The following ARMC2 variants were observed in gnomAD, a reference collection of about 807,000 sequenced individuals.
ARMC2 encodes the protein armadillo repeat containing 2.
A neutral mutation model predicts 90.3 loss-of-function variants in ARMC2; 67 were observed. That is an observed-to-expected ratio of 0.74 (90% CI 0.61 to 0.91). The LOEUF is 0.91. ARMC2 is among the 40% of genes least tolerant of loss of function. The pLI is 0.00. For missense variants in ARMC2, 920 were observed against 1,030.9 expected, an observed-to-expected ratio of 0.89 and a Z score of 1.47; for synonymous variants, 393 against 393.0, an observed-to-expected ratio of 1.00 and a Z score of 0.00.
intron 8 of ARMC2, among the ~76,000 whole-genome samples, chr6:108,904,610 T>G (rs1772480534): frequency 6.7e-6 from 1 of 149,454 alleles, no homozygotes; most frequent in Admixed American, 6.7e-5. Flanking sequence ...TAGAAAATGT[T>G]AAAAGAAACT....
chr6:108,875,061 C>G (rs556190060), intron 4 of ARMC2, among the ~76,000 whole-genome samples: 3 of 152,128 alleles, frequency 2.0e-5, no homozygotes, highest in South Asian at 4.2e-4. Flanking sequence ...GCAGCTCATC[C>G]CCACCCCCGC....
the ARMC2 span, among the ~76,000 whole-genome samples, chr6:109,023,019 T>G: frequency 6.6e-6 from 1 of 152,200 alleles, no homozygotes; most frequent in Non-Finnish European, 1.5e-5. Context: ...TTCCCTGCAA[T>G]CTGCTCTGTA....
the ARMC2 span, among the ~76,000 whole-genome samples, chr6:108,994,140 TAAAAAAA>T: frequency 3.0e-5 from 3 of 100,266 alleles, no homozygotes; most frequent in Non-Finnish European, 6.1e-5. Context: ...CCCTGTTTCT[TAAAAAAA>T]AAAAAAAAAA....
downstream of ARMC2, among the ~76,000 whole-genome samples, chr6:108,978,113 C>T (rs1445782352): frequency 1.3e-5 from 2 of 152,132 alleles, no homozygotes; most frequent in East Asian, 3.8e-4. Flanking sequence ...TTAGATCTTT[C>T]CTGCTTTCTC....
the ARMC2 span, among the ~76,000 whole-genome samples, chr6:109,021,670 G>A: frequency 1.2e-4 from 18 of 151,934 alleles, no homozygotes; most frequent in Non-Finnish European, 2.5e-4. Context: ...TCGAACTCCT[G>A]ACCTCAAGTG....
At chr6:108,921,179 T>C (rs900840735) in intron 10 of ARMC2, among the ~76,000 whole-genome samples, 1 of 152,232 alleles carries the variant, frequency 6.6e-6, no homozygotes. Flanking sequence ...CCATTCTAGA[T>C]TGTTTGTATG....
At chr6:109,045,654 A>T in the ARMC2 span, among the ~76,000 whole-genome samples, 1 of 152,004 alleles carries the variant, frequency 6.6e-6, no homozygotes, top group African/African-American at 2.4e-5. Context: ...CTGAGGCATT[A>T]CTCTTCTACA....
chr6:108,934,256 G>C (rs1411972633), intron 11 of ARMC2, among the ~76,000 whole-genome samples: 1 of 152,096 alleles, frequency 6.6e-6, no homozygotes, highest in Non-Finnish European at 1.5e-5. Context: ...TGTGGTTTTT[G>C]TCTTCAGTTG....
At chr6:108,935,145 C>G (rs950606495) in intron 11 of ARMC2, among the ~76,000 whole-genome samples, 5 of 152,110 alleles carry the variant, frequency 3.3e-5, no homozygotes, top group African/African-American at 1.2e-4. Flanking sequence ...TATTGACTTT[C>G]TTTCCTAATT....
intron 2 of ARMC2, among the ~76,000 whole-genome samples, chr6:108,856,162 A>G (rs1320515507): frequency 6.6e-6 from 1 of 152,088 alleles, no homozygotes; most frequent in Non-Finnish European, 1.5e-5. Context: ...CCTATGTTAT[A>G]TTTTAGAGAT....
At chr6:108,993,337 G>A in the ARMC2 span, among the ~76,000 whole-genome samples, 1 of 152,044 alleles carries the variant, frequency 6.6e-6, no homozygotes, top group Admixed American at 6.6e-5. Flanking sequence ...AAATCCCATG[G>A]GTTAACATTT....
chr6:108,906,912 G>A (rs1288935484), intron 8 of ARMC2, among the ~76,000 whole-genome samples: 2 of 152,116 alleles, frequency 1.3e-5, no homozygotes, highest in African/African-American at 2.4e-5. Context: ...AACTAAGGGA[G>A]AAAAATAAAG....
intron 3 of ARMC2, 57 bp downstream of exon 3, chr6:108,858,328 C>A: frequency 7.3e-7 from 1 of 1,365,902 alleles, no homozygotes; most frequent in Non-Finnish European, 1.0e-6. Flanking sequence ...TGAAATTGGC[C>A]AAAAACACTT....
rs553698125 is a variant in ARMC2, at chr6:108,946,157, G to A, written c.1597-6876G>A. Among the ~76,000 whole-genome samples the A allele has an allele frequency of 4.4e-4, 67 of 152,262 alleles. No homozygotes were observed. In the South Asian group the frequency reaches 0.012, roughly 27 times the overall value. ...CCCTTGTGGAACTGGCTCTTACCCC[G>A]CTCAGCACGGAACCCAAATGCCTGA... On this transcript the variant is annotated intron_variant, in intron 12 of 17. Coordinates refer to ENST00000392644, the MANE Select transcript of ARMC2 (RefSeq NM_032131.6).
chr6:108,983,749 T>C, the ARMC2 span, among the ~76,000 whole-genome samples: 10 of 152,250 alleles, frequency 6.6e-5, no homozygotes, highest in African/African-American at 2.4e-4. Flanking sequence ...TAGATGAATT[T>C]TGGCATGGAA....
intron 10 of ARMC2, among the ~76,000 whole-genome samples, chr6:108,923,833 A>G (rs1774846952): frequency 6.6e-6 from 1 of 151,908 alleles, no homozygotes; most frequent in Admixed American, 6.6e-5. Context: ...GCCTCTGCTA[A>G]GCTCCCGCAC....
chr6:109,008,694 A>G, the ARMC2 span: 1 of 782,740 alleles, frequency 1.3e-6, no homozygotes, highest in Non-Finnish European at 1.6e-6. Flanking sequence ...TAACTTTCAA[A>G]TGGTTTCCTA....
chr6:108,984,068 T>C, the ARMC2 span, among the ~76,000 whole-genome samples: 2 of 152,196 alleles, frequency 1.3e-5, no homozygotes, highest in African/African-American at 2.4e-5. Flanking sequence ...GAACTGTGCA[T>C]GTGAGGGATG....
At chr6:108,880,842 C>T (rs758011571) in intron 5 of ARMC2, among the ~76,000 whole-genome samples, 30 of 148,460 alleles carry the variant, frequency 2.0e-4, no homozygotes, top group Non-Finnish European at 4.0e-4. Flanking sequence ...TCCCTCCTTC[C>T]TTCCTTCCTT....
Sources: allele counts gnomAD v4.1 joint callset (sites outside exome capture counted in the v4.1 genomes callset), GRCh38; gene constraint gnomAD v4.1.1; transcripts MANE v1.5; gene names NCBI Gene and HGNC (gene_info 2026-07-23, HGNC 2026-07-21).